The following ABCC4 variants were observed in gnomAD, a reference collection of about 807,000 sequenced individuals.
The protein encoded by ABCC4 is ATP-binding cassette sub-family C member 4.
ABCC4 carries 102 observed loss-of-function variants against 168.5 expected under a neutral mutation model. The ratio of observed to expected loss-of-function variants is 0.61; its 90% CI spans 0.52 to 0.71. The LOEUF (loss-of-function observed/expected upper bound fraction) is 0.71, where lower values mean the gene tolerates loss of function less well. Among genes scored for constraint, ABCC4 ranks in the 30% least tolerant of loss-of-function variants. The pLI is 0.00. For synonymous variants in ABCC4, 617 were observed against 590.7 expected (o/e 1.04, Z -0.65); for missense variants, 1,402 against 1,605.8 (o/e 0.87, Z 2.17).
chr13:95,035,580 C>T (rs1320661257), intron 29 of ABCC4, among the ~76,000 whole-genome samples: 1 of 152,238 alleles, frequency 6.6e-6, no homozygotes, highest in Non-Finnish European at 1.5e-5. Context: ...TCCCAATCAC[C>T]TTTCTTTGCT....
rs949304106 is a variant in ABCC4 at position 95,201,268 on chromosome 13, C to T, written c.1161+5264G>A. Among the ~76,000 whole-genome samples, 15 of 152,166 alleles carry T rather than the reference C, an allele frequency of 9.9e-5. 1 individual carries two copies. Among genetic ancestry groups the T allele is most frequent in the Non-Finnish European group, 2.1e-4 (14 of 68,036 alleles). On this transcript the variant is annotated intron_variant, in intron 8 of 30. Coordinates refer to ENST00000645237, the MANE Select transcript of ABCC4 (RefSeq NM_005845.5). ...TCAAGCCTTAGACACAGGTGAGTTG[C>T]ATTTTGGTGGGAAAAAAATAAAAAA...
rs2038080925 is a variant in ABCC4, at chr13:95,186,847, C to T, written c.1399G>A (p.Gly467Arg). Residue 467 changes from glycine to arginine, a missense_variant, in exon 11 of 31, where the codon GGG becomes AGG. Transcript: ENST00000645237. ...AVLGELAPSH[G>R]LVSVHGRIAY... ...ATTCTTCCATGCACGCTGACCAGCC[C>T]GTGACTTGGGGCCAATTCCCCGAGC... The T allele has an allele frequency of 1.9e-6, 3 of 1,613,728 alleles. No homozygotes were observed. The highest frequency in any genetic ancestry group is 2.5e-6 in the Non-Finnish European group (3 of 1,179,870).
intron 3 of ABCC4, among the ~76,000 whole-genome samples, chr13:95,246,637 G>T (rs2040113134): frequency 6.6e-6 from 1 of 152,192 alleles, no homozygotes; most frequent in African/African-American, 2.4e-5. Flanking sequence ...TTGACCAGGA[G>T]TGACTCTTAG....
At chr13:95,034,899 C>T (rs986428413) in intron 29 of ABCC4, among the ~76,000 whole-genome samples, 160 bp from the exon 30 acceptor site, 1 of 152,102 alleles carries the variant, frequency 6.6e-6, no homozygotes, top group African/African-American at 2.4e-5. Context: ...TTTTACGAAG[C>T]AAACAAAGGC....
intron 30 of ABCC4, among the ~76,000 whole-genome samples, chr13:95,033,952 C>T (rs56272340): frequency 0.027 from 4,047 of 152,212 alleles, 173 homozygotes; most frequent in African/African-American, 0.088. Flanking sequence ...TGAACCACCA[C>T]GCCCAGCCTG....
intron 1 of ABCC4, among the ~76,000 whole-genome samples, chr13:95,287,566 G>A (rs556933906): frequency 6.0e-5 from 9 of 150,828 alleles, no homozygotes; most frequent in East Asian, 2.0e-4. Context: ...CAGCCTGGGT[G>A]GAAGGGCATG....
intron 24 of ABCC4, 102 bp downstream of exon 24, chr13:95,073,102 A>G: frequency 1.1e-6 from 1 of 880,260 alleles, no homozygotes; most frequent in South Asian, 2.1e-5. Context: ...CTGTTACCAA[A>G]GATGTAAAAA....
chr13:95,193,260 G>A (rs1384370186), intron 9 of ABCC4, among the ~76,000 whole-genome samples: 9 of 152,314 alleles, frequency 5.9e-5, no homozygotes, highest in Admixed American at 5.2e-4. Context: ...AGCAAACTAC[G>A]CTACAACGCA....
chr13:95,295,221 A>T (rs2041498298), intron 1 of ABCC4, among the ~76,000 whole-genome samples: 1 of 152,104 alleles, frequency 6.6e-6, no homozygotes, highest in Non-Finnish European at 1.5e-5. Context: ...GCAGACACAG[A>T]AATTTACTAT....
At chr13:95,230,662 C>T (rs1408207818) in intron 4 of ABCC4, among the ~76,000 whole-genome samples, 1 of 152,170 alleles carries the variant, frequency 6.6e-6, no homozygotes, top group African/African-American at 2.4e-5. Flanking sequence ...GTAGTCCCAG[C>T]TACTCAGGAG....
At chr13:95,051,549 T>A (rs1030413621) in intron 27 of ABCC4, among the ~76,000 whole-genome samples, 2 of 152,076 alleles carry the variant, frequency 1.3e-5, no homozygotes, top group African/African-American at 2.4e-5. Context: ...TTTTTTTTTT[T>A]TTATTTTTAG....
chr13:95,024,429 A>C (rs2031283129), intron 30 of ABCC4, among the ~76,000 whole-genome samples: 2 of 152,050 alleles, frequency 1.3e-5, no homozygotes, highest in Admixed American at 1.3e-4. Context: ...TAGTTCCTCT[A>C]ATGTAGGTTG....
chr13:95,073,303 A>G lies in ABCC4; in HGVS notation c.2919T>C (p.Thr973=). 1 of 1,612,402 alleles carries G rather than the reference A, an allele frequency of 6.2e-7. No homozygotes were observed. The highest frequency in any genetic ancestry group is 8.5e-7 in the Non-Finnish European group (1 of 1,178,960). The change falls in exon 24 of 31, where the codon ACT becomes ACC. Residue 973 remains threonine, a splice_region_variant and synonymous_variant. Transcript: ENST00000645237. ...VAFGSLILAK[T]LDAGQVGLAL... ...CCAAACCAACCTGCCCGGCATCCAG[A>G]GCTACGTAAGGAGGAAGAAGGGAAT...
intron 1 of ABCC4, among the ~76,000 whole-genome samples, chr13:95,273,082 A>G (rs892047951): frequency 6.6e-6 from 1 of 152,178 alleles, no homozygotes; most frequent in Admixed American, 6.5e-5. Flanking sequence ...AAAATCCCAG[A>G]AATTTTATCT....
chr13:95,255,914 T>G (rs1013881584), intron 1 of ABCC4, among the ~76,000 whole-genome samples: 2 of 152,124 alleles, frequency 1.3e-5, no homozygotes, highest in Non-Finnish European at 2.9e-5. Flanking sequence ...GCCTTTCACT[T>G]CTTCACAGGG....
At chr13:95,043,884 AG>A in intron 28 of ABCC4, 97 bp from the exon 29 acceptor site, 2 of 753,232 alleles carry the variant, frequency 2.7e-6, no homozygotes, top group South Asian at 2.0e-5. Flanking sequence ...TAAAAAAAAA[AG>A]ATCATATCTA....
chr13:95,218,927 G>GAGAAAGAAAGAGAAAGAAAGAA (rs2039211068), intron 4 of ABCC4, among the ~76,000 whole-genome samples: 3 of 42,438 alleles, frequency 7.1e-5, no homozygotes, highest in Non-Finnish European at 4.4e-5. Context: ...GAGAAAGAAA[G>GAGAAAGAAAGAGAAAGAAAGAA]AGAAAGAAAG....
rs1338699402 is a variant in ABCC4, at chr13:95,211,908, G to A, written c.532-1127C>T. 3.3e-5 allele frequency among the ~76,000 whole-genome samples: 5 copies of A among 152,056 alleles called. No homozygotes were observed. The East Asian group carries it at 7.7e-4, about 23-fold the overall frequency. The stretch of plus-strand genomic sequence containing the variant: ...GAAAAGTTAAAAAATGGCCGGGCGC[G>A]GTGGCTCACACCTGTAATCCCAGCA... On this transcript the variant is annotated intron_variant, in intron 4 of 30. Coordinates refer to ENST00000645237, the MANE Select transcript of ABCC4 (RefSeq NM_005845.5).
intron 4 of ABCC4, among the ~76,000 whole-genome samples, chr13:95,219,442 A>C (rs1462328419): frequency 6.6e-6 from 1 of 152,222 alleles, no homozygotes; most frequent in Non-Finnish European, 1.5e-5. Context: ...GTCAGAGAAG[A>C]TCATCTTAAG....
Sources: allele counts gnomAD v4.1 joint callset (sites outside exome capture counted in the v4.1 genomes callset), GRCh38; gene constraint gnomAD v4.1.1; transcripts MANE v1.5; gene names NCBI Gene and HGNC (gene_info 2026-07-23, HGNC 2026-07-21).